DCAF8L2: variants seen among roughly 807,000 people sequenced by gnomAD.
The protein encoded by DCAF8L2 is DDB1 and CUL4 associated factor 8 like 2, also known as DDB1- and CUL4-associated factor 8-like protein 2.
For synonymous variants in DCAF8L2, 200 were observed against 190.9 expected (o/e 1.05, Z -0.39); for missense variants, 430 against 490.7 (o/e 0.88, Z 1.17).
At chrX:27,612,749 T>C (rs1310855195) in intron 1 of DCAF8L2, among the ~76,000 whole-genome samples, 1 of 111,636 alleles carries the variant, frequency 9.0e-6, no homozygotes, top group Non-Finnish European at 1.9e-5. Context: ...AAAGATCAGA[T>C]GGTTGTAGAT....
At chrX:27,561,862 A>G in the DCAF8L2 span, among the ~76,000 whole-genome samples, 4 of 111,792 alleles carry the variant, frequency 3.6e-5, no homozygotes, top group Non-Finnish European at 7.5e-5. Context: ...GTTATTATGA[A>G]TAATGTTGCT....
chrX:27,547,890 TTTCTC>T, the DCAF8L2 span, among the ~76,000 whole-genome samples: 1 of 63,134 alleles, frequency 1.6e-5, no homozygotes, highest in Non-Finnish European at 3.1e-5. Flanking sequence ...TCTCTCTCTC[TTTCTC>T]TCTCTCTCTC....
chrX:27,647,335 A>C (rs1928979503), intron 2 of DCAF8L2, among the ~76,000 whole-genome samples: 1 of 111,886 alleles, frequency 8.9e-6, no homozygotes, highest in African/African-American at 3.3e-5. Context: ...GCATGTTCTC[A>C]CTTATAAGTG....
chrX:27,541,715 G>A, the DCAF8L2 span, among the ~76,000 whole-genome samples: 1 of 110,777 alleles, frequency 9.0e-6, no homozygotes, highest in African/African-American at 3.3e-5. Flanking sequence ...TTAGATACAA[G>A]GGGTACATAT....
intron 1 of DCAF8L2, among the ~76,000 whole-genome samples, chrX:27,620,473 A>G (rs1927704478): frequency 8.9e-6 from 1 of 112,221 alleles, no homozygotes; most frequent in African/African-American, 3.2e-5. Flanking sequence ...CAAACCATAT[A>G]TCTGATGAAA....
chrX:27,526,938 G>T, the DCAF8L2 span, among the ~76,000 whole-genome samples: 23,711 of 111,902 alleles, frequency 0.21, 2,206 homozygotes, highest in East Asian at 0.37. Flanking sequence ...TGCCCCTACT[G>T]GGGGGTGCCT....
chrX:27,668,310 G>A (rs1037553174), intron 2 of DCAF8L2, among the ~76,000 whole-genome samples: 1 of 112,041 alleles, frequency 8.9e-6, no homozygotes, highest in Admixed American at 9.5e-5. Context: ...ACTCGAAGAT[G>A]AGGATTCGTA....
At chrX:27,606,348 TATATCTAGGA>T (rs1184933886) in intron 1 of DCAF8L2, among the ~76,000 whole-genome samples, 17 of 64,060 alleles carry the variant, frequency 2.7e-4, no homozygotes, top group Non-Finnish European at 3.9e-4. Flanking sequence ...GAATTATATA[TATATCTAGGA>T]ATATATATAT....
intron 3 of DCAF8L2, among the ~76,000 whole-genome samples, chrX:27,691,825 G>A (rs775959404): frequency 9.0e-6 from 1 of 111,574 alleles, no homozygotes; most frequent in Non-Finnish European, 1.9e-5. Flanking sequence ...GCCTGAAGGA[G>A]GATAGGTGGT....
At chrX:27,629,522 C>A (rs1373661812) in intron 1 of DCAF8L2, among the ~76,000 whole-genome samples, 2 of 86,558 alleles carry the variant, frequency 2.3e-5, no homozygotes, top group Non-Finnish European at 4.7e-5. Context: ...CTTTTCTTTT[C>A]TTTTTCACAT....
chrX:27,620,789 A>C (rs7053819), intron 1 of DCAF8L2, among the ~76,000 whole-genome samples: 9,003 of 111,466 alleles, frequency 0.081, 699 homozygotes, highest in African/African-American at 0.24. Context: ...AATAAAATTG[A>C]TGTATGGTCC....
chrX:27,576,932 A>C, the DCAF8L2 span, among the ~76,000 whole-genome samples: 2 of 111,858 alleles, frequency 1.8e-5, no homozygotes, highest in Non-Finnish European at 3.8e-5. Context: ...GACAAATGAC[A>C]TTGTGACATA....
intron 1 of DCAF8L2, 115 bp downstream of exon 1, chrX:27,590,555 T>TTA (rs976094868): frequency 9.0e-6 from 1 of 111,464 alleles, no homozygotes; most frequent in African/African-American, 3.3e-5. Flanking sequence ...GATTGAAAGT[T>TTA]ACCTTAAATA....
chrX:27,471,927 C>T, the DCAF8L2 span, among the ~76,000 whole-genome samples: 1 of 111,937 alleles, frequency 8.9e-6, no homozygotes, highest in Non-Finnish European at 1.9e-5. Flanking sequence ...TTCAATTCCT[C>T]CTCATATTAT....
At chrX:27,595,183 T>C (rs894783205) in intron 1 of DCAF8L2, among the ~76,000 whole-genome samples, 1 of 111,694 alleles carries the variant, frequency 9.0e-6, no homozygotes, top group Non-Finnish European at 1.9e-5. Context: ...TCAAGCTTCC[T>C]GGCCTCAAAT....
At chrX:27,482,146 T>C in the DCAF8L2 span, among the ~76,000 whole-genome samples, 1 of 111,768 alleles carries the variant, frequency 8.9e-6, no homozygotes, top group Admixed American at 9.6e-5. Context: ...AATCGAGTTA[T>C]GCCTTTCTAA....
intron 2 of DCAF8L2, among the ~76,000 whole-genome samples, chrX:27,675,538 G>A (rs907604812): frequency 8.9e-6 from 1 of 112,021 alleles, no homozygotes; most frequent in African/African-American, 3.2e-5. Context: ...TAGTTGGTTA[G>A]CCGGTTGAAA....
At chrX:27,533,172 AAG>A in the DCAF8L2 span, among the ~76,000 whole-genome samples, 1 of 13,318 alleles carries the variant, frequency 7.5e-5, no homozygotes, top group Non-Finnish European at 1.7e-4. Flanking sequence ...GAGAGAAAGA[AAG>A]AAAGAAAGAA....
the DCAF8L2 span, among the ~76,000 whole-genome samples, chrX:27,489,781 T>C: frequency 8.0e-5 from 9 of 112,718 alleles, no homozygotes; most frequent in Non-Finnish European, 1.5e-4. Flanking sequence ...GAAGGGCTAC[T>C]GTGACTCCAT....
Sources: gnomAD v4.1 joint callset for allele counts (sites outside exome capture counted in the v4.1 genomes callset) on GRCh38, gnomAD v4.1.1 for gene constraint, MANE v1.5 for transcripts, NCBI Gene and HGNC (gene_info 2026-07-23, HGNC 2026-07-21) for gene names.